The following MEIKIN variants were observed in gnomAD, a reference collection of about 807,000 sequenced individuals.
The protein encoded by MEIKIN is meiosis-specific kinetochore protein.
intron 8 of MEIKIN, among the ~76,000 whole-genome samples, chr5:131,885,423 G>T (rs965691042): frequency 1.9e-5 from 2 of 103,858 alleles, no homozygotes; most frequent in Non-Finnish European, 4.0e-5. Context: ...GAGAGAGAGA[G>T]ATTGAGATTG....
intron 8 of MEIKIN, among the ~76,000 whole-genome samples, chr5:131,884,923 C>T (rs746244073): frequency 1.5e-4 from 23 of 151,902 alleles, no homozygotes; most frequent in Non-Finnish European, 2.2e-4. Flanking sequence ...TGGCCGTGGC[C>T]GCAGGGTGAG....
chr5:131,935,915 A>G (rs1751768674), intron 4 of MEIKIN, among the ~76,000 whole-genome samples: 1 of 152,166 alleles, frequency 6.6e-6, no homozygotes, highest in Non-Finnish European at 1.5e-5. Flanking sequence ...CCCTCTGAGC[A>G]TCTTTTGCTT....
intron 11 of MEIKIN, among the ~76,000 whole-genome samples, chr5:131,847,392 C>T (rs1750038729): frequency 6.6e-6 from 1 of 151,806 alleles, no homozygotes; most frequent in South Asian, 2.1e-4. Flanking sequence ...AGAGCAGGGG[C>T]AGCTATAATA....
intron 7 of MEIKIN, among the ~76,000 whole-genome samples, chr5:131,913,415 T>C (rs187204100): frequency 5.6e-4 from 85 of 152,334 alleles, no homozygotes; most frequent in Middle Eastern, 3.4e-3. Context: ...CAGACCCTCT[T>C]TGCCTTTAGA....
intron 12 of MEIKIN, among the ~76,000 whole-genome samples, chr5:131,812,497 T>A (rs1187059424): frequency 1.3e-5 from 2 of 152,206 alleles, no homozygotes; most frequent in Non-Finnish European, 2.9e-5. Flanking sequence ...ATGAGGGACA[T>A]CCCTATTAAG....
intron 11 of MEIKIN, among the ~76,000 whole-genome samples, chr5:131,828,607 A>C (rs1285072703): frequency 1.3e-5 from 2 of 152,228 alleles, no homozygotes; most frequent in African/African-American, 4.8e-5. Flanking sequence ...AAAAAAAGAA[A>C]GAAGTAGAGA....
intron 5 of MEIKIN, among the ~76,000 whole-genome samples, chr5:131,931,669 T>C (rs146290360): frequency 7.2e-5 from 11 of 152,306 alleles, no homozygotes; most frequent in Non-Finnish European, 1.3e-4. Context: ...CTGGCTTTGA[T>C]GTGGCTGGCC....
chr5:131,894,556 G>T (rs1412875510), intron 8 of MEIKIN, among the ~76,000 whole-genome samples: 2 of 152,140 alleles, frequency 1.3e-5, no homozygotes, highest in Admixed American at 1.3e-4. Flanking sequence ...CCATTTGTTT[G>T]TGTCTTCTTT....
At chr5:131,913,640 T>C (rs1751364180) in intron 7 of MEIKIN, among the ~76,000 whole-genome samples, 1 of 152,230 alleles carries the variant, frequency 6.6e-6, no homozygotes, top group Non-Finnish European at 1.5e-5. Context: ...AGATGAGTAA[T>C]AAGCTAATGC....
intron 8 of MEIKIN, among the ~76,000 whole-genome samples, chr5:131,886,058 T>C (rs1750789439): frequency 6.6e-6 from 1 of 152,158 alleles, no homozygotes; most frequent in African/African-American, 2.4e-5. Flanking sequence ...GCAGAATTGA[T>C]CTAGCAGAAG....
chr5:131,826,687 T>C (rs1350428927), intron 11 of MEIKIN, among the ~76,000 whole-genome samples: 1 of 152,152 alleles, frequency 6.6e-6, no homozygotes, highest in African/African-American at 2.4e-5. Context: ...GTTCTTGTGA[T>C]AGTGAGTGAG....
At chr5:131,825,599 G>A (rs1425431399) in intron 11 of MEIKIN, among the ~76,000 whole-genome samples, 1 of 152,116 alleles carries the variant, frequency 6.6e-6, no homozygotes, top group Non-Finnish European at 1.5e-5. Context: ...CAGCTACTCA[G>A]CCCCCAGAGG....
intron 12 of MEIKIN, among the ~76,000 whole-genome samples, chr5:131,809,756 C>A (rs540373340): frequency 1.1e-4 from 16 of 151,572 alleles, no homozygotes; most frequent in African/African-American, 3.9e-4. Context: ...CAGTGAGCTG[C>A]CACTGCACTC....
chr5:131,903,448 A>G (rs1751191601), intron 8 of MEIKIN, among the ~76,000 whole-genome samples: 1 of 152,218 alleles, frequency 6.6e-6, no homozygotes, highest in South Asian at 2.1e-4. Context: ...CTAACAGCAG[A>G]CCTATCAGCA....
At chr5:131,839,662 G>A (rs1749869721) in intron 11 of MEIKIN, among the ~76,000 whole-genome samples, 1 of 152,080 alleles carries the variant, frequency 6.6e-6, no homozygotes, top group African/African-American at 2.4e-5. Context: ...CAGAAACTTG[G>A]ATTGCAACCC....
At chr5:131,887,709 T>A (rs7733731) in intron 8 of MEIKIN, among the ~76,000 whole-genome samples, 34,132 of 151,586 alleles carry the variant, frequency 0.23, 4,014 homozygotes, top group East Asian at 0.48. Context: ...GTTTTTTTTT[T>A]ATTTTATTAT....
intron 12 of MEIKIN, among the ~76,000 whole-genome samples, chr5:131,815,310 C>T (rs1179847086): frequency 7.9e-5 from 12 of 152,150 alleles, no homozygotes; most frequent in Non-Finnish European, 2.9e-5. Context: ...CAATAACTTG[C>T]AGGGAGGGCA....
intron 5 of MEIKIN, among the ~76,000 whole-genome samples, chr5:131,929,419 A>G (rs375811435): frequency 1.1e-4 from 17 of 152,206 alleles, no homozygotes; most frequent in South Asian, 2.1e-4. Flanking sequence ...TGGGACTCCC[A>G]TAATGCAAAT....
At chr5:131,877,194 AT>A (rs542675025) in intron 9 of MEIKIN, among the ~76,000 whole-genome samples, 8 of 151,952 alleles carry the variant, frequency 5.3e-5, no homozygotes, top group South Asian at 2.1e-4. Context: ...AAAAAGTTGA[AT>A]TTTTTTTAAT....
Sources: gnomAD v4.1 joint callset for allele counts (sites outside exome capture counted in the v4.1 genomes callset) on GRCh38, gnomAD v4.1.1 for gene constraint, MANE v1.5 for transcripts, NCBI Gene and HGNC (gene_info 2026-07-23, HGNC 2026-07-21) for gene names.